MIER2: variants seen among roughly 807,000 people sequenced by gnomAD.
MIER2 encodes MIER family member 2.
MIER2 carries 30 observed loss-of-function variants against 67.6 expected under a neutral mutation model. The observed-to-expected ratio is 0.44, with a 90% CI of 0.33 to 0.60. MIER2 has a LOEUF of 0.60. Among genes scored for constraint, MIER2 ranks in the 20% least tolerant of loss-of-function variants. The pLI, the probability that MIER2 is intolerant of heterozygous loss-of-function variation, is 0.02. For missense variants in MIER2, 702 were observed against 745.1 expected (o/e 0.94, Z 0.67); for synonymous variants, 372 against 312.6 (o/e 1.19, Z -2.00).
chr19:323,515 T>A (rs1322358662), intron 7 of MIER2, among the ~76,000 whole-genome samples: 1 of 146,330 alleles, frequency 6.8e-6, no homozygotes, highest in Non-Finnish European at 1.5e-5. Flanking sequence ...CACAGACGAC[T>A]CAAATGACAC....
In MIER2 at chr19:333,850, G is replaced by A. The variant is rs935695608; in HGVS notation, c.243+550C>T. On this transcript the variant is annotated intron_variant, in intron 3 of 13. Coordinates refer to ENST00000264819, the MANE Select transcript of MIER2 (RefSeq NM_017550.3). ...ACTACAGTCACCCGCCACTATGCCC[G>A]GCTAATTTTGTTTTTGTATTTTTAG... Among the ~76,000 whole-genome samples, 32 of 151,374 alleles carry A rather than the reference G, an allele frequency of 2.1e-4. No homozygotes were observed. In the South Asian group the frequency reaches 2.3e-3, roughly 11 times the overall value.
chr19:338,332 T>C (rs948131471), intron 1 of MIER2, among the ~76,000 whole-genome samples: 2 of 152,156 alleles, frequency 1.3e-5, no homozygotes, highest in African/African-American at 2.4e-5. Context: ...TTTATTTCTA[T>C]ATAAAAGCAA....
At position 336,072 on chromosome 19, in the gene MIER2, G is replaced by T. The variant is rs746941937; in HGVS notation, c.100+11C>A. The T allele has an allele frequency of 2.7e-5, 43 of 1,612,546 alleles. No homozygotes were observed. The African/African-American group carries it at 5.3e-4, about 20-fold the overall frequency. On this transcript the variant is annotated intron_variant, in intron 2 of 13. Transcript: ENST00000264819. ...GGCGGACCTGAGCAGGGGAAGGAGG[G>T]AGGAAGGTACCTGCTGTTGTCTGCA...
chr19:331,709 C>T (rs576614869), intron 3 of MIER2, among the ~76,000 whole-genome samples: 10 of 151,746 alleles, frequency 6.6e-5, no homozygotes, highest in East Asian at 1.9e-4. Flanking sequence ...CTTGGCCAGG[C>T]GTGGTGGCTC....
At chr19:335,441 C>T (rs1220321320) in intron 2 of MIER2, among the ~76,000 whole-genome samples, 1 of 152,226 alleles carries the variant, frequency 6.6e-6, no homozygotes, top group Non-Finnish European at 1.5e-5. Flanking sequence ...CCCTCAGTGG[C>T]CACCGCACCC....
Position 327,118 on chromosome 19 carries a change from G to A in MIER2, c.493+15C>T, listed in dbSNP as rs769642171. The A allele has an allele frequency of 1.3e-6, 2 of 1,575,150 alleles. No individual in the cohort carries two copies. The highest frequency in any genetic ancestry group is 2.3e-5 in the East Asian group (1 of 44,162). On this transcript the variant is annotated intron_variant, in intron 5 of 13. Transcript: ENST00000264819. ...GGGCCTGGCTGCGGTGGAGTATGGG[G>A]ACAGAGTCACCTACATCCACTCCGG...
chr19:340,624 G>C, intron 1 of MIER2: 1 of 153,212 alleles, frequency 6.5e-6, no homozygotes, highest in Non-Finnish European at 1.5e-5. Flanking sequence ...CGGGGTGGCA[G>C]AGATGGAAGG....
In MIER2 at chr19:308,694, G is replaced by A; in HGVS notation, c.1110-29C>T. On this transcript the variant is annotated intron_variant, in intron 11 of 13. Coordinates refer to ENST00000264819, the MANE Select transcript of MIER2 (RefSeq NM_017550.3). The surrounding 1 kb of genome is among the most constrained non-coding windows in gnomAD (Gnocchi z 9.1). ...TGGGGAGAGGGCGCCATGAGGGGCGGCAGACAGGACAGACGCCCCCACCCA... is the reference window on the plus strand; with the variant it reads ...TGGGGAGAGGGCGCCATGAGGGGCGACAGACAGGACAGACGCCCCCACCCA... The A allele has an allele frequency of 1.3e-6, 2 of 1,598,936 alleles. No individual in the cohort carries two copies. The highest frequency in any genetic ancestry group is 8.5e-7 in the Non-Finnish European group (1 of 1,173,924).
chr19:310,494 G>A (rs8108731), intron 10 of MIER2, among the ~76,000 whole-genome samples: 10 of 81,122 alleles, frequency 1.2e-4, no homozygotes, highest in South Asian at 7.4e-4. Context: ...CCAGAAACAC[G>A]GCCGGGAGTT....
intron 12 of MIER2, among the ~76,000 whole-genome samples, chr19:307,884 G>T (rs770865905): frequency 6.7e-6 from 1 of 148,200 alleles, no homozygotes; most frequent in Non-Finnish European, 1.5e-5. Flanking sequence ...TGCCGGGGGC[G>T]CTGCGAGGGC....
rs2145326185 is a variant in MIER2 at position 308,378 on chromosome 19, T to C, written c.1198+199A>G. Among the ~76,000 whole-genome samples, 1 of 152,146 alleles carries C rather than the reference T, an allele frequency of 6.6e-6. No homozygotes were observed. The highest frequency in any genetic ancestry group is 1.5e-5 in the Non-Finnish European group (1 of 67,966). On this transcript the variant is annotated intron_variant, in intron 12 of 13. Coordinates refer to ENST00000264819, the MANE Select transcript of MIER2 (RefSeq NM_017550.3). The surrounding 1 kb of genome is among the most constrained non-coding windows in gnomAD (Gnocchi z 9.1). ...CAGCAAGCCCAGAGGGTAAGCGTAA[T>C]CCCTGCCCTCCCCTCTCCCAGCCAG...
rs202118882 is a variant in MIER2 at position 334,440 on chromosome 19, T to G, written c.203A>C (p.Asp68Ala). ...CTTCTCCAGCTCCTCCTTGGGCTTG[T>G]CTGGGCACCTCGAGGCCTCCTCGCA... ...GECEEASRCP[D>A]KPKEELEKDF... Residue 68 changes from aspartate (D) to alanine (A), a missense_variant, in exon 3 of 14, where the codon GAC becomes GCC. Transcript: ENST00000264819. The G allele has an allele frequency of 5.6e-4, 900 of 1,614,214 alleles. No individual in the cohort carries two copies. Among genetic ancestry groups the G allele is most frequent in the Middle Eastern group, 6.6e-4 (4 of 6,062 alleles).
At chr19:331,360 G>GAAA (rs917485905) in intron 3 of MIER2, among the ~76,000 whole-genome samples, 8 of 117,948 alleles carry the variant, frequency 6.8e-5, no homozygotes, top group African/African-American at 1.6e-4. Context: ...TCTGTCCCCA[G>GAAA]AAAAAAAAAA....
At chr19:328,100 C>T in intron 3 of MIER2, 111 bp from the exon 4 acceptor site, 1 of 1,423,772 alleles carries the variant, frequency 7.0e-7, no homozygotes, top group Admixed American at 2.5e-5. Flanking sequence ...CTCTGTCACA[C>T]CCATAGCAAC....
chr19:307,313 G>A lies in MIER2; in HGVS notation c.1422C>T (p.Phe474=), dbSNP rs571126165. 13 of 1,600,622 alleles carry A rather than the reference G, an allele frequency of 8.1e-6. No homozygotes were observed. The East Asian group carries it at 1.1e-4, about 14-fold the overall frequency. Residue 474 remains phenylalanine, a synonymous_variant, in exon 13 of 14, where the codon TTC becomes TTT. Coordinates refer to ENST00000264819, the MANE Select transcript of MIER2 (RefSeq NM_017550.3). ...PDASPRLAVD[F]ALPKELPLIS... is the part of the protein sequence containing the mutation. ...TGAGGGGCAGCTCCTTGGGCAGGGC[G>A]AAGTCCACGGCCAGCCTTGGGCTGG...
chr19:313,402 C>T (rs796445016), intron 8 of MIER2, 90 bp downstream of exon 8: 3 of 1,543,168 alleles, frequency 1.9e-6, no homozygotes, highest in Non-Finnish European at 1.7e-6. Flanking sequence ...CCCCTCTGCC[C>T]TCCCTGGCCC....
At chr19:338,170 C>CAAAA (rs34351754) in intron 1 of MIER2, among the ~76,000 whole-genome samples, 4 of 76,898 alleles carry the variant, frequency 5.2e-5, no homozygotes, top group African/African-American at 8.4e-5. Context: ...GACTCCATCT[C>CAAAA]AAAAAAAAAA....
rs1422397049 is a variant in MIER2 at position 333,334 on chromosome 19, G to A, written c.243+1066C>T. ...TTTAGTACAGACAGGGTTTCACTAC[G>A]TTGGCCAGGCTAGGCTCAAACTCCT... On this transcript the variant is annotated intron_variant, in intron 3 of 13. Transcript: ENST00000264819. Among the ~76,000 whole-genome samples, 11 of 55,020 alleles carry A rather than the reference G, an allele frequency of 2.0e-4. 1 individual carries two copies. The highest frequency in any genetic ancestry group is 9.1e-5 in the Non-Finnish European group (3 of 32,902). The allele number at this position is 55,020 out of a possible 152,430, so 36.1% of individuals were successfully genotyped here. A position where few individuals can be genotyped will look rare whatever the true frequency, so the allele number is the denominator to read the frequency against.
At chr19:323,119 A>G (rs867318368) in intron 7 of MIER2, among the ~76,000 whole-genome samples, 1 of 152,270 alleles carries the variant, frequency 6.6e-6, no homozygotes. Flanking sequence ...CGAATGACAC[A>G]GGCGTCATCA....
Sources: gnomAD v4.1 joint callset for allele counts (sites outside exome capture counted in the v4.1 genomes callset) on GRCh38, gnomAD v4.1.1 for gene constraint, Gnocchi (gnomAD v3.1) non-coding constraint, MANE v1.5 for transcripts, NCBI Gene and HGNC (gene_info 2026-07-23, HGNC 2026-07-21) for gene names.